KIRREL3: variants seen among roughly 807,000 people sequenced by gnomAD.
KIRREL3 encodes kin of IRRE-like protein 3.
In KIRREL3, 36 loss-of-function variants were observed where a neutral mutation model predicts 89.7. The observed-to-expected ratio is 0.40, with a 90% CI of 0.31 to 0.53. The LOEUF (loss-of-function observed/expected upper bound fraction) is 0.53, where lower values mean the gene tolerates loss of function less well. Among genes scored for constraint, KIRREL3 ranks in the 20% least tolerant of loss-of-function variants. KIRREL3 has a pLI of 0.49. For missense variants in KIRREL3, 864 were observed against 1,056.6 expected, an observed-to-expected ratio of 0.82 and a Z score of 2.53; for synonymous variants, 445 against 441.4, an observed-to-expected ratio of 1.01 and a Z score of -0.10.
At chr11:126,922,739 C>T (rs567425178) in intron 1 of KIRREL3, among the ~76,000 whole-genome samples, 3 of 152,160 alleles carry the variant, frequency 2.0e-5, no homozygotes, top group Admixed American at 2.0e-4. Flanking sequence ...ACAACAACAA[C>T]AACAACCTCC....
At chr11:126,849,311 A>C (rs942991428) in intron 1 of KIRREL3, among the ~76,000 whole-genome samples, 4 of 151,946 alleles carry the variant, frequency 2.6e-5, no homozygotes, top group African/African-American at 9.7e-5. Context: ...TGAATAATCC[A>C]CCCCTTGTTT....
At chr11:126,488,312 C>A (rs901727725) in intron 4 of KIRREL3, among the ~76,000 whole-genome samples, 1 of 152,240 alleles carries the variant, frequency 6.6e-6, no homozygotes, top group Non-Finnish European at 1.5e-5. Context: ...ACAGCCTTTG[C>A]TCTCAGACAG....
In KIRREL3 at chr11:126,995,586, C is replaced by T. The variant is rs1950160236; in HGVS notation, c.55+4869G>A. 1 of 301,430 alleles carries T rather than the reference C, an allele frequency of 3.3e-6. No homozygotes were observed. The highest frequency in any genetic ancestry group is 3.0e-5 in the South Asian group (1 of 33,008). 18.7% of individuals were successfully genotyped at this position (301,430 alleles called of 1,614,324 possible). On this transcript the variant is annotated intron_variant, in intron 1 of 16. Coordinates refer to ENST00000525144, the MANE Select transcript of KIRREL3 (RefSeq NM_032531.4). This position sits in a 1 kb window ranked among gnomAD's most constrained non-coding sequence, Gnocchi z 6.5. The stretch of plus-strand genomic sequence containing the variant: ...GACCATAAAACCAGTGCTTTTGGCC[C>T]TCCTCCTCACTCCTCCAGTATGGGC...
chr11:126,936,588 T>C (rs1948200408), intron 1 of KIRREL3: 1 of 146,810 alleles, frequency 6.8e-6, no homozygotes, highest in Non-Finnish European at 1.5e-5. Flanking sequence ...GCATATTGAA[T>C]GCATATTGAT....
chr11:126,435,159 C>A, intron 13 of KIRREL3, 109 bp downstream of exon 13: 2 of 1,132,120 alleles, frequency 1.8e-6, no homozygotes, highest in Non-Finnish European at 2.7e-6. Context: ...AGGGCGGAGA[C>A]ACTAGCGGCC....
chr11:126,440,027 C>T (rs896229279), intron 11 of KIRREL3, among the ~76,000 whole-genome samples: 1 of 151,974 alleles, frequency 6.6e-6, no homozygotes, highest in Non-Finnish European at 1.5e-5. Context: ...CAGTAAAGGC[C>T]ACAGAGACCT....
At chr11:126,458,640 G>A (rs145252851) in intron 6 of KIRREL3, among the ~76,000 whole-genome samples, 100 of 152,318 alleles carry the variant, frequency 6.6e-4, no homozygotes, top group African/African-American at 1.9e-3. Flanking sequence ...GTGGCTGACT[G>A]TGCTGGGGAG....
At position 126,703,650 on chromosome 11, in the gene KIRREL3, A is replaced by G. The variant is rs1204441743; in HGVS notation, c.56-140738T>C. Among the ~76,000 whole-genome samples the G allele has an allele frequency of 6.6e-6, 1 of 152,340 alleles. No homozygotes were observed. The highest frequency in any genetic ancestry group is 1.9e-4 in the East Asian group (1 of 5,184). On this transcript the variant is annotated intron_variant, in intron 1 of 16. Transcript: ENST00000525144. This position sits in a 1 kb window ranked among gnomAD's most constrained non-coding sequence, Gnocchi z 4.6. The stretch of plus-strand genomic sequence containing the variant: ...CACACTTTGTCTTCATTCATGATAC[A>G]AAAGAGATGTCTGTTTTCCTGAGGC...
chr11:126,503,410 G>T (rs760993790), intron 4 of KIRREL3, among the ~76,000 whole-genome samples: 1 of 152,138 alleles, frequency 6.6e-6, no homozygotes, highest in East Asian at 1.9e-4. Context: ...ATCCAGGCAG[G>T]GACGAATGGG....
At chr11:126,673,741 G>T (rs924729526) in intron 1 of KIRREL3, among the ~76,000 whole-genome samples, 20 of 152,136 alleles carry the variant, frequency 1.3e-4, no homozygotes, top group Non-Finnish European at 2.2e-4. Flanking sequence ...GTCTAGGTTG[G>T]GTCTGTAAGA....
Position 126,795,455 on chromosome 11 carries a change from C to T in KIRREL3, c.55+205000G>A, listed in dbSNP as rs887594130. 2.2e-4 allele frequency among the ~76,000 whole-genome samples: 33 copies of T among 152,136 alleles called. No homozygotes were observed. The highest frequency in any genetic ancestry group is 3.8e-4 in the Non-Finnish European group (26 of 68,028). The stretch of plus-strand genomic sequence containing the variant: ...CGTGATCTCTGCTCACTGCAACCTC[C>T]GCTTCCCGGATTCAAGCGATTCTCC... On this transcript the variant is annotated intron_variant, in intron 1 of 16. Coordinates refer to ENST00000525144, the MANE Select transcript of KIRREL3 (RefSeq NM_032531.4). The surrounding 1 kb of genome is among the most constrained non-coding windows in gnomAD (Gnocchi z 4.1).
chr11:126,695,895 A>G (rs1413654685), intron 1 of KIRREL3, among the ~76,000 whole-genome samples: 1 of 152,070 alleles, frequency 6.6e-6, no homozygotes, highest in African/African-American at 2.4e-5. Flanking sequence ...GAGTTGGGTT[A>G]GCTCTAATTT....
intron 1 of KIRREL3, chr11:126,920,101 A>T (rs2134967151): frequency 6.6e-6 from 1 of 152,302 alleles, no homozygotes; most frequent in East Asian, 1.9e-4. Flanking sequence ...CATTCTTCTT[A>T]TTGTACAGAT....
rs1222267392 is a variant in KIRREL3, at chr11:126,531,549, C to T, written c.134-4862G>A. 3.3e-5 allele frequency among the ~76,000 whole-genome samples: 5 copies of T among 152,044 alleles called. No individual in the cohort carries two copies. The highest frequency in any genetic ancestry group is 6.6e-5 in the Admixed American group (1 of 15,262). On this transcript the variant is annotated intron_variant, in intron 2 of 16. Transcript: ENST00000525144. This position sits in a 1 kb window ranked among gnomAD's most constrained non-coding sequence, Gnocchi z 4.7. ...TGTTTCATTGTCCTGGGATGCACTG[C>T]ATCCCCCCACCCAAGGCTCCCCCAC...
Position 126,763,053 on chromosome 11 carries a change from A to T in KIRREL3, c.56-200141T>A, listed in dbSNP as rs1949712275. 6.6e-6 allele frequency among the ~76,000 whole-genome samples: 1 copy of T among 152,150 alleles called. No individual in the cohort carries two copies. The highest frequency in any genetic ancestry group is 2.4e-5 in the African/African-American group (1 of 41,436). On this transcript the variant is annotated intron_variant, in intron 1 of 16. Transcript: ENST00000525144. The surrounding 1 kb of genome is among the most constrained non-coding windows in gnomAD (Gnocchi z 4.7). ...ACTTTGAGAGCATAACTAGGTAGGT[A>T]GAGAGGGGCTATGCCCAGGAGTATT...
chr11:126,704,892 G>A lies in KIRREL3; in HGVS notation c.56-141980C>T, dbSNP rs1388246397. ...AGCAGTATTCTCCTCCTGCGACCATGCCATGGGATGAAAGCCTCTGCCCTG... is the reference window on the plus strand; with the variant it reads ...AGCAGTATTCTCCTCCTGCGACCATACCATGGGATGAAAGCCTCTGCCCTG... On this transcript the variant is annotated intron_variant, in intron 1 of 16. Transcript: ENST00000525144. This position sits in a 1 kb window ranked among gnomAD's most constrained non-coding sequence, Gnocchi z 4.2. Among the ~76,000 whole-genome samples the A allele has an allele frequency of 1.3e-5, 2 of 152,188 alleles. No homozygotes were observed. The highest frequency in any genetic ancestry group is 2.9e-5 in the Non-Finnish European group (2 of 68,038).
chr11:126,570,672 C>T lies in KIRREL3; in HGVS notation c.56-7760G>A, dbSNP rs1940857098. Among the ~76,000 whole-genome samples, 1 of 152,180 alleles carries T rather than the reference C, an allele frequency of 6.6e-6. No homozygotes were observed. Among genetic ancestry groups the T allele is most frequent in the African/African-American group, 2.4e-5 (1 of 41,434 alleles). On this transcript the variant is annotated intron_variant, in intron 1 of 16. Coordinates refer to ENST00000525144, the MANE Select transcript of KIRREL3 (RefSeq NM_032531.4). The surrounding 1 kb of genome is among the most constrained non-coding windows in gnomAD (Gnocchi z 6.1). ...CTTCTCCAGCCTGCTCCAGCCATGC[C>T]ATTATTTGGCTGGCATAGCTCTATC...
chr11:126,463,055 A>T lies in KIRREL3; in HGVS notation c.742+102T>A. The T allele has an allele frequency of 8.7e-7, 1 of 1,143,144 alleles. No individual in the cohort carries two copies. The highest frequency in any genetic ancestry group is 1.3e-6 in the Non-Finnish European group (1 of 787,158). The allele number at this position is 1,143,144 out of a possible 1,614,324, so 70.8% of individuals were successfully genotyped here. On this transcript the variant is annotated intron_variant, in intron 6 of 16. Transcript: ENST00000525144. The surrounding 1 kb of genome is among the most constrained non-coding windows in gnomAD (Gnocchi z 5.9). ...GCTGGCCAATCCACAGAGCTGCCTG[A>T]CCCATTTCCTGCTATCAGATGGGCC...
At chr11:126,874,325 G>A (rs1049711403) in intron 1 of KIRREL3, among the ~76,000 whole-genome samples, 3 of 152,200 alleles carry the variant, frequency 2.0e-5, no homozygotes, top group African/African-American at 7.2e-5. Context: ...ATGCTTATGA[G>A]GGTAGGTGCT....
Sources: allele counts gnomAD v4.1 joint callset (sites outside exome capture counted in the v4.1 genomes callset), GRCh38; gene constraint gnomAD v4.1.1; non-coding constraint Gnocchi (gnomAD v3.1); transcripts MANE v1.5; gene names NCBI Gene and HGNC (gene_info 2026-07-23, HGNC 2026-07-21).